Variants in SCRG1 observed in about 807,000 individuals in gnomAD.
The protein encoded by SCRG1 is scrapie-responsive protein 1.
Under a neutral mutation model 7.7 loss-of-function variants are expected in SCRG1, and 3 were observed. The ratio of observed to expected loss-of-function variants is 0.39; its 90% confidence interval spans 0.18 to 1.01. The LOEUF (loss-of-function observed/expected upper bound fraction) is 1.01, where lower values mean the gene tolerates loss of function less well. Among genes scored for constraint, SCRG1 ranks in the 50% least tolerant of loss-of-function variants. SCRG1 has a pLI of 0.36. For missense variants in SCRG1, 110 were observed against 117.2 expected, an observed-to-expected ratio of 0.94 and a Z score of 0.28; for synonymous variants, 46 against 41.2, an observed-to-expected ratio of 1.12 and a Z score of -0.44.
the SCRG1 span, among the ~76,000 whole-genome samples, chr4:173,475,301 T>A: frequency 6.6e-6 from 1 of 152,202 alleles, no homozygotes; most frequent in Non-Finnish European, 1.5e-5. Context: ...ATTGGGGAGA[T>A]GTTTGTCACA....
the SCRG1 span, among the ~76,000 whole-genome samples, chr4:173,455,934 G>A: frequency 1.3e-5 from 2 of 152,120 alleles, no homozygotes; most frequent in African/African-American, 4.8e-5. Context: ...GGGTTGTCAA[G>A]AGGAAGATTT....
At chr4:173,448,110 C>T in the SCRG1 span, among the ~76,000 whole-genome samples, 1,062 of 152,272 alleles carry the variant, frequency 7.0e-3, 5 homozygotes, top group Non-Finnish European at 0.01. Context: ...GTCTCAAAAA[C>T]CAACCAACCA....
the SCRG1 span, among the ~76,000 whole-genome samples, chr4:173,437,458 G>A: frequency 6.6e-6 from 1 of 152,156 alleles, no homozygotes; most frequent in African/African-American, 2.4e-5. Flanking sequence ...ATCAAATAAG[G>A]GAAGAAGGTT....
At chr4:173,449,770 C>T in the SCRG1 span, among the ~76,000 whole-genome samples, 7 of 152,266 alleles carry the variant, frequency 4.6e-5, no homozygotes, top group East Asian at 1.4e-3. Context: ...TTTTATTCTG[C>T]CATTTGACAT....
upstream of SCRG1, among the ~76,000 whole-genome samples, chr4:173,401,494 T>C (rs541746598): frequency 5.7e-4 from 87 of 152,352 alleles, no homozygotes; most frequent in African/African-American, 2.0e-3. Flanking sequence ...TACTCTGTTT[T>C]ACTCTTATTT....
At chr4:173,418,543 A>C in the SCRG1 span, among the ~76,000 whole-genome samples, 16 of 152,228 alleles carry the variant, frequency 1.1e-4, no homozygotes, top group Non-Finnish European at 2.2e-4. Flanking sequence ...TTGCTGCACC[A>C]AAAGCTGACC....
At chr4:173,466,725 A>C in the SCRG1 span, among the ~76,000 whole-genome samples, 1 of 152,226 alleles carries the variant, frequency 6.6e-6, no homozygotes, top group South Asian at 2.1e-4. Context: ...GCATTCAGCC[A>C]TATAATAGTT....
Position 173,384,737 on chromosome 4 carries a change from G to A in SCRG1, c.*3604C>T, listed in dbSNP as rs1372834518. On this transcript the variant is annotated 3_prime_UTR_variant, in exon 3 of 3. Coordinates refer to ENST00000296506, the MANE Select transcript of SCRG1 (RefSeq NM_007281.4). ...AAAAGATGAATTTTAATTAAAAAGA[G>A]GTGAGCTATTAATATGTATTACTGT... is the stretch of plus-strand genomic sequence containing the variant. The A allele has an allele frequency of 6.6e-6, 1 of 152,164 alleles. No individual in the cohort carries two copies. Among genetic ancestry groups the A allele is most frequent in the Admixed American group, 6.5e-5 (1 of 15,276 alleles). 9.4% of individuals were successfully genotyped at this position (152,164 alleles called of 1,614,324 possible).
At chr4:173,506,175 T>C in the SCRG1 span, among the ~76,000 whole-genome samples, 4 of 152,212 alleles carry the variant, frequency 2.6e-5, no homozygotes, top group African/African-American at 9.6e-5. This position sits in a 1 kb window ranked among gnomAD's most constrained non-coding sequence, Gnocchi z 5.3. Flanking sequence ...TGGACTCCTC[T>C]GGTTGAGTAA....
At chr4:173,399,168 G>A (rs539116402), upstream of SCRG1, 4 of 152,354 alleles carry the variant, frequency 2.6e-5, no homozygotes, top group East Asian at 1.9e-4. Context: ...GGTGCTGGAA[G>A]GAGCTTCTTT....
At chr4:173,436,323 T>A in the SCRG1 span, among the ~76,000 whole-genome samples, 2 of 152,184 alleles carry the variant, frequency 1.3e-5, no homozygotes, top group South Asian at 4.1e-4. Context: ...ACCCTCTTTG[T>A]TATGTCCACA....
the SCRG1 span, among the ~76,000 whole-genome samples, chr4:173,482,717 C>T: frequency 6.6e-6 from 1 of 151,510 alleles, no homozygotes; most frequent in Non-Finnish European, 1.5e-5. Flanking sequence ...ACTTGGGAGG[C>T]TGAGGCCAGA....
chr4:173,438,850 G>A, the SCRG1 span, among the ~76,000 whole-genome samples: 25 of 151,792 alleles, frequency 1.6e-4, no homozygotes, highest in African/African-American at 5.8e-4. Context: ...TTGAGATGTT[G>A]TAGTGGACAA....
At chr4:173,430,683 T>C in the SCRG1 span, among the ~76,000 whole-genome samples, 1 of 151,916 alleles carries the variant, frequency 6.6e-6, no homozygotes, top group African/African-American at 2.4e-5. Flanking sequence ...GGCATGCACC[T>C]GTAGTCCCAG....
At chr4:173,391,471 TA>T in intron 1 of SCRG1, 43 bp from the exon 2 acceptor site, 6 of 1,599,032 alleles carry the variant, frequency 3.8e-6, no homozygotes, top group Non-Finnish European at 5.1e-6. Context: ...GTTTGTTTTT[TA>T]AAGATAGAAT....
the SCRG1 span, among the ~76,000 whole-genome samples, chr4:173,485,219 TA>T: frequency 9.0e-6 from 1 of 111,398 alleles, no homozygotes; most frequent in African/African-American, 3.4e-5. Flanking sequence ...ATATATAGGA[TA>T]AATTTTTTTT....
the SCRG1 span, among the ~76,000 whole-genome samples, chr4:173,476,679 C>G: frequency 6.6e-6 from 1 of 151,932 alleles, no homozygotes; most frequent in African/African-American, 2.4e-5. Context: ...GAAGCCATCA[C>G]AGCTGGGCAT....
the SCRG1 span, among the ~76,000 whole-genome samples, chr4:173,506,757 A>ACGGTGG: frequency 2.0e-5 from 3 of 152,096 alleles, no homozygotes; most frequent in African/African-American, 7.2e-5. This position sits in a 1 kb window ranked among gnomAD's most constrained non-coding sequence, Gnocchi z 5.3. Flanking sequence ...CAGTCCTGTT[A>ACGGTGG]CGGTGGCGGA....
At chr4:173,392,378 ACTC>A (rs1739474550) in intron 1 of SCRG1, among the ~76,000 whole-genome samples, 1 of 152,122 alleles carries the variant, frequency 6.6e-6, no homozygotes, top group Admixed American at 6.6e-5. Context: ...CCTTCCATGA[ACTC>A]CTACCATGAT....
Sources: allele counts gnomAD v4.1 joint callset (sites outside exome capture counted in the v4.1 genomes callset), GRCh38; gene constraint gnomAD v4.1.1; non-coding constraint Gnocchi (gnomAD v3.1); transcripts MANE v1.5; gene names NCBI Gene and HGNC (gene_info 2026-07-23, HGNC 2026-07-21).